Variants in CATSPERE observed in about 807,000 individuals in gnomAD.
CATSPERE encodes catsper channel auxiliary subunit epsilon.
CATSPERE carries 93 observed loss-of-function variants against 114.1 expected under a neutral mutation model. The observed-to-expected ratio is 0.81, with a 90% CI of 0.69 to 0.97. CATSPERE has a LOEUF of 0.97. CATSPERE is among the 50% of genes least tolerant of loss of function. The pLI is 0.00. For synonymous variants in CATSPERE, 341 were observed against 384.1 expected, an observed-to-expected ratio of 0.89 and a Z score of 1.31; for missense variants, 1,058 against 1,131.6, an observed-to-expected ratio of 0.93 and a Z score of 0.93.
chr1:244,576,901 A>G (rs1665347907), intron 11 of CATSPERE, among the ~76,000 whole-genome samples: 1 of 152,214 alleles, frequency 6.6e-6, no homozygotes, highest in African/African-American at 2.4e-5. Context: ...TAACTTAAAT[A>G]TATATGAAAC....
At chr1:244,548,438 G>A (rs1231256641) in intron 8 of CATSPERE, among the ~76,000 whole-genome samples, 1 of 152,208 alleles carries the variant, frequency 6.6e-6, no homozygotes, top group Admixed American at 6.5e-5. Context: ...CAGCTACCTG[G>A]TGGCAGGCTG....
chr1:244,609,549 CTG>C (rs1670442628), intron 18 of CATSPERE, among the ~76,000 whole-genome samples: 1 of 152,096 alleles, frequency 6.6e-6, no homozygotes, highest in Non-Finnish European at 1.5e-5. Context: ...CAGGGTTTCA[CTG>C]TGTTGGCCAG....
At chr1:244,591,583 C>T (rs557053112) in intron 14 of CATSPERE, 98 bp from the exon 15 acceptor site, 17 of 666,418 alleles carry the variant, frequency 2.6e-5, no homozygotes, top group East Asian at 2.1e-4. Flanking sequence ...GATTCTCTGA[C>T]ACTCTCCTGT....
chr1:244,459,848 C>A (rs1052710848), upstream of CATSPERE, among the ~76,000 whole-genome samples: 1 of 152,196 alleles, frequency 6.6e-6, no homozygotes, highest in East Asian at 1.9e-4. Context: ...CTCTTGGAAA[C>A]TCAACCAGGC....
intron 20 of CATSPERE, among the ~76,000 whole-genome samples, chr1:244,625,224 G>T (rs764281266): frequency 6.6e-6 from 1 of 150,984 alleles, no homozygotes; most frequent in African/African-American, 2.4e-5. Context: ...CTCATTGATC[G>T]TGGGTTGCAG....
chr1:244,473,969 C>T (rs986188462), intron 2 of CATSPERE, among the ~76,000 whole-genome samples: 1 of 151,730 alleles, frequency 6.6e-6, no homozygotes, highest in Non-Finnish European at 1.5e-5. Context: ...TTATACCTTT[C>T]GAACATCTTT....
intron 9 of CATSPERE, among the ~76,000 whole-genome samples, chr1:244,556,486 T>A (rs1010585336): frequency 6.6e-5 from 10 of 152,056 alleles, no homozygotes; most frequent in African/African-American, 2.2e-4. Context: ...GATTTTTTTT[T>A]AAAAGACCAA....
intron 11 of CATSPERE, among the ~76,000 whole-genome samples, chr1:244,579,885 A>G (rs1345147665): frequency 1.3e-5 from 2 of 152,170 alleles, no homozygotes; most frequent in Non-Finnish European, 2.9e-5. Flanking sequence ...TCAACTTGAC[A>G]CATAAGGTTC....
chr1:244,520,528 C>T (rs1255173209), intron 8 of CATSPERE, among the ~76,000 whole-genome samples: 11 of 152,172 alleles, frequency 7.2e-5, no homozygotes, highest in Non-Finnish European at 1.3e-4. Flanking sequence ...CACACTTCTC[C>T]CATGGGTCTC....
chr1:244,528,591 CAG>C (rs2148407784), intron 8 of CATSPERE, among the ~76,000 whole-genome samples: 1 of 152,034 alleles, frequency 6.6e-6, no homozygotes, highest in East Asian at 1.9e-4. Flanking sequence ...ATAATCATAT[CAG>C]GGTAAGTGGG....
intron 18 of CATSPERE, among the ~76,000 whole-genome samples, chr1:244,608,641 A>G (rs1056884569): frequency 6.6e-6 from 1 of 151,800 alleles, no homozygotes; most frequent in Non-Finnish European, 1.5e-5. Flanking sequence ...CCAGTCTCCT[A>G]CTTTGTCTCA....
chr1:244,522,106 G>A (rs1677670231), intron 8 of CATSPERE, among the ~76,000 whole-genome samples: 1 of 152,076 alleles, frequency 6.6e-6, no homozygotes, highest in Admixed American at 6.6e-5. Context: ...CTCAGCAAAT[G>A]TAAAAGAACA....
chr1:244,537,599 AT>A (rs144243215), intron 8 of CATSPERE, among the ~76,000 whole-genome samples: 6,054 of 152,290 alleles, frequency 0.04, 193 homozygotes, highest in Non-Finnish European at 0.064. Flanking sequence ...AAAGAAAGTC[AT>A]TGGGCCTGGT....
chr1:244,623,214 A>G (rs949894133), intron 20 of CATSPERE, among the ~76,000 whole-genome samples: 21 of 152,176 alleles, frequency 1.4e-4, no homozygotes, highest in African/African-American at 4.8e-4. Context: ...AGTAGCTGAG[A>G]CTACAGGCAC....
upstream of CATSPERE, among the ~76,000 whole-genome samples, chr1:244,453,871 G>T (rs1007562865): frequency 4.6e-5 from 7 of 152,176 alleles, no homozygotes; most frequent in Admixed American, 1.3e-4. Context: ...CAGGGTGTCT[G>T]TTCGGCTCCT....
chr1:244,566,670 T>C (rs1663584175), intron 10 of CATSPERE, among the ~76,000 whole-genome samples: 1 of 120,656 alleles, frequency 8.3e-6, no homozygotes, highest in African/African-American at 3.0e-5. Flanking sequence ...TTTTTTTTTT[T>C]TTTTTTTTTT....
intron 5 of CATSPERE, among the ~76,000 whole-genome samples, chr1:244,487,437 C>T (rs1213914278): frequency 6.6e-6 from 1 of 152,128 alleles, no homozygotes; most frequent in Non-Finnish European, 1.5e-5. Flanking sequence ...CCTCAACCCC[C>T]GAGGGTATTG....
intron 7 of CATSPERE, among the ~76,000 whole-genome samples, chr1:244,514,801 C>A (rs912801632): frequency 6.8e-6 from 1 of 146,760 alleles, no homozygotes; most frequent in Non-Finnish European, 1.5e-5. Context: ...TGCACTCCAG[C>A]CTGGCGGACA....
chr1:244,542,063 T>C (rs3003245), intron 8 of CATSPERE, among the ~76,000 whole-genome samples: 126,706 of 145,220 alleles, frequency 0.87, 56,322 homozygotes, highest in East Asian at 1. Flanking sequence ...TGCTAGGTGA[T>C]GAGTTAATGG....
Sources: allele counts gnomAD v4.1 joint callset (sites outside exome capture counted in the v4.1 genomes callset), GRCh38; gene constraint gnomAD v4.1.1; transcripts MANE v1.5; gene names NCBI Gene and HGNC (gene_info 2026-07-23, HGNC 2026-07-21).